Variants in INCENP observed in about 807,000 individuals in gnomAD.
The protein encoded by INCENP is inner centromere protein.
In INCENP, 43 loss-of-function variants were observed where a neutral mutation model predicts 107.3. The ratio of observed to expected loss-of-function variants is 0.40; its 90% CI spans 0.31 to 0.52. INCENP has a LOEUF of 0.52. Among genes scored for constraint, INCENP ranks in the 20% least tolerant of loss-of-function variants. INCENP has a pLI of 0.53. For synonymous variants in INCENP, 488 were observed against 494.4 expected, an observed-to-expected ratio of 0.99 and a Z score of 0.17; for missense variants, 1,089 against 1,250.9, an observed-to-expected ratio of 0.87 and a Z score of 1.95.
rs368598822 is a variant in INCENP, at chr11:62,127,972, AG to A, written c.-11-175del. ...GGCTTCTCTTTGTAGAGATGAGGCT[AG>A]GGGATGAGTGTTTGGAATTCTGCAG... On this transcript the variant is annotated intron_variant, in intron 1 of 18. Transcript: ENST00000394818. Among the ~76,000 whole-genome samples the A allele has an allele frequency of 0.1, 6,073 of 60,874 alleles. 379 individuals are homozygous for A. Among genetic ancestry groups the A allele is most frequent in the African/African-American group, 0.33 (5,542 of 16,770 alleles). 39.9% of individuals were successfully genotyped at this position (60,874 alleles called of 152,430 possible). A position where few individuals can be genotyped will look rare whatever the true frequency, so the allele number is the denominator to read the frequency against.
Position 62,141,509 on chromosome 11 carries a change from G to T in INCENP, c.1603G>T (p.Val535Phe), listed in dbSNP as rs762472113. 3 of 1,614,032 alleles carry T rather than the reference G, an allele frequency of 1.9e-6. No individual in the cohort carries two copies. The highest frequency in any genetic ancestry group is 1.1e-5 in the South Asian group (1 of 91,088). The change falls in exon 11 of 19, where the codon GTC (valine) becomes TTC (phenylalanine). Residue 535 changes from valine to phenylalanine, a missense_variant and splice_region_variant. Transcript: ENST00000394818. ...PLRMDPKCSF[V>F]EKERQRLENL... is the part of the protein sequence containing the mutation. ...CTTGTCTCCTCCACAGTGCAGCTTCGTCGTAAGTAAAGCCTTTTCCTGTCG... is the reference window on the plus strand; with the variant it reads ...CTTGTCTCCTCCACAGTGCAGCTTCTTCGTAAGTAAAGCCTTTTCCTGTCG...
intron 5 of INCENP, 125 bp downstream of exon 5, chr11:62,138,008 G>A: frequency 3.5e-6 from 3 of 848,560 alleles, no homozygotes; most frequent in Non-Finnish European, 6.0e-6. Context: ...CCGCCCAGGA[G>A]CTGCCCCGTT....
In INCENP at chr11:62,150,131, C is replaced by T. The variant is rs771433903; in HGVS notation, c.2466C>T (p.Tyr822=). 1.8e-5 allele frequency: 29 copies of T among 1,613,988 alleles called. No individual in the cohort carries two copies. Among genetic ancestry groups the T allele is most frequent in the East Asian group, 2.2e-5 (1 of 44,846 alleles). ...RAPPKINPDN[Y]GMDLNSDDST... ...CTCCCAAGATCAACCCAGATAACTA[C>T]GGGATGGATCTGAATAGCGACGACT... The change falls in exon 18 of 19, where the codon TAC becomes TAT. Residue 822 remains tyrosine (Y), a synonymous_variant. Transcript: ENST00000394818.
rs115734811 is a variant in INCENP, at chr11:62,130,448, G to C, written c.921G>C (p.Pro307=). ...RTDSQSVRHS[P]IAPSSPSPQV... ...ACTCTCAATCGGTGCGGCACAGCCC[G>C]ATCGCCCCGTCTTCCCCGAGTCCCC... The change falls in exon 4 of 19, where the codon CCG becomes CCC. Residue 307 remains proline (P), a synonymous_variant. Transcript: ENST00000394818. 3 of 1,614,012 alleles carry C rather than the reference G, an allele frequency of 1.9e-6. No individual in the cohort carries two copies. Among genetic ancestry groups the C allele is most frequent in the Non-Finnish European group, 2.5e-6 (3 of 1,180,040 alleles).
At chr11:62,128,655 G>A in intron 2 of INCENP, 115 bp from the exon 3 acceptor site, 2 of 765,134 alleles carry the variant, frequency 2.6e-6, no homozygotes, top group Non-Finnish European at 4.6e-6. Flanking sequence ...ACTTGGTGCT[G>A]GACACCCCAG....
intron 11 of INCENP, among the ~76,000 whole-genome samples, chr11:62,142,792 G>A (rs1270261960): frequency 1.3e-5 from 2 of 152,200 alleles, no homozygotes; most frequent in Admixed American, 6.5e-5. Flanking sequence ...CCTGGGACTT[G>A]GCAGGTGGTC....
In INCENP at chr11:62,138,729, C is replaced by A; in HGVS notation, c.1132C>A (p.Pro378Thr). The change falls in exon 6 of 19, where the codon CCC (proline) becomes ACC (threonine). Residue 378 changes from proline to threonine, a missense_variant. Coordinates refer to ENST00000394818, the MANE Select transcript of INCENP (RefSeq NM_001040694.2). ...PQKVGSEQKE[P>T]PEEAEPVAAA... is the part of the protein sequence containing the mutation. ...TGTTTTCAGTTCTGAGCAGAAGGAA[C>A]CCCCCGAGGAGGCTGAGCCTGTGGC... 1 of 1,613,924 alleles carries A rather than the reference C, an allele frequency of 6.2e-7. No homozygotes were observed.
chr11:62,133,123 C>T (rs559421553), intron 4 of INCENP, among the ~76,000 whole-genome samples: 1 of 152,228 alleles, frequency 6.6e-6, no homozygotes, highest in South Asian at 2.1e-4. Flanking sequence ...TTCCTGATAC[C>T]AGGCTCTGGG....
chr11:62,146,867 GC>G lies in INCENP; in HGVS notation c.2170del (p.Arg724ValfsTer67). On this transcript the variant is annotated frameshift_variant, in exon 15 of 19. Transcript: ENST00000394818. LOFTEE classifies it high-confidence loss of function. Reference protein sequence around the residue: ...EQERQLAEQERRREQERLQAE... With the variant: ...EQERQLAEQEXRREQERLQAE... ...AGGAGCGACAGCTGGCAGAGCAGGA[GC>G]GTCGGCGGGAGCAGGAGCGGCTCCA... is the stretch of plus-strand genomic sequence containing the variant. The G allele has an allele frequency of 6.3e-7, 1 of 1,590,150 alleles. No homozygotes were observed. The highest frequency in any genetic ancestry group is 8.5e-7 in the Non-Finnish European group (1 of 1,170,568).
chr11:62,130,267 G>A lies in INCENP; in HGVS notation c.740G>A (p.Gly247Glu), dbSNP rs139914074. The part of the protein sequence containing the change: ...MATPQDPKGQ[G>E]VGTGRSASKL... ...ACACCCCAGGACCCCAAGGGTCAAG[G>A]GGTCGGGACGGGGCGGTCTGCGTCT... Residue 247 changes from glycine (G) to glutamate (E), a missense_variant, in exon 4 of 19, where the codon GGG (glycine) becomes GAG (glutamate). Transcript: ENST00000394818. The A allele has an allele frequency of 1.8e-4, 285 of 1,613,006 alleles. 2 individuals are homozygous for A. In the African/African-American group the frequency reaches 3.6e-3, roughly 20 times the overall value.
rs541901313 is a variant in INCENP, at chr11:62,127,870, G to C, written c.-11-281G>C. 1.2e-4 allele frequency among the ~76,000 whole-genome samples: 18 copies of C among 152,114 alleles called. No homozygotes were observed. In the South Asian group the frequency reaches 3.7e-3, roughly 32 times the overall value. On this transcript the variant is annotated intron_variant, in intron 1 of 18. Coordinates refer to ENST00000394818, the MANE Select transcript of INCENP (RefSeq NM_001040694.2). ...GACTGTCAATGTCAGAATTGGTTGG[G>C]AACTGTGGACTTATGGGGACAGTCA... is the stretch of plus-strand genomic sequence containing the variant.
intron 7 of INCENP, 110 bp downstream of exon 7, chr11:62,139,115 AG>A (rs1944057080): frequency 4.0e-6 from 3 of 751,160 alleles, no homozygotes; most frequent in Middle Eastern, 3.3e-4. Flanking sequence ...CTGGGCCAGT[AG>A]GCTAAAGAGA....
At chr11:62,137,764 T>A (rs1944023366) in intron 4 of INCENP, 68 bp from the exon 5 acceptor site, 10 of 1,462,992 alleles carry the variant, frequency 6.8e-6, no homozygotes, top group Non-Finnish European at 8.6e-6. Flanking sequence ...CCCGGTCCCC[T>A]GGACCCCTTA....
chr11:62,127,506 G>T (rs1943778415), intron 1 of INCENP, among the ~76,000 whole-genome samples: 1 of 152,252 alleles, frequency 6.6e-6, no homozygotes, highest in Admixed American at 6.5e-5. Flanking sequence ...GGGCATTTCA[G>T]CTCAAGGGAG....
intron 13 of INCENP, 29 bp downstream of exon 13, chr11:62,145,318 C>T: frequency 6.2e-7 from 1 of 1,612,852 alleles, no homozygotes; most frequent in Non-Finnish European, 8.5e-7. Context: ...GAGGCCCAGG[C>T]AATTCAGGAC....
Position 62,138,754 on chromosome 11 carries a change from C to T in INCENP, c.1157C>T (p.Ala386Val), listed in dbSNP as rs930590623. The change falls in exon 6 of 19, where the codon GCG becomes GTG. Residue 386 changes from alanine (A) to valine (V), a missense_variant. Coordinates refer to ENST00000394818, the MANE Select transcript of INCENP (RefSeq NM_001040694.2). ...CCCCCCGAGGAGGCTGAGCCTGTGG[C>T]GGCAGCTGAGCCAGAGGTAAGACGG... is the stretch of plus-strand genomic sequence containing the variant. ...KEPPEEAEPV[A>V]AAEPEVPENN... 2.0e-5 allele frequency: 33 copies of T among 1,613,956 alleles called. No homozygotes were observed. The highest frequency in any genetic ancestry group is 2.6e-5 in the Non-Finnish European group (31 of 1,179,990).
At chr11:62,144,080 C>G (rs1430642175) in intron 11 of INCENP, among the ~76,000 whole-genome samples, 1 of 152,206 alleles carries the variant, frequency 6.6e-6, no homozygotes, top group African/African-American at 2.4e-5. Context: ...ACCTGTAATC[C>G]TAGCACTTTG....
chr11:62,148,559 G>C lies in INCENP; in HGVS notation c.2283+5G>C, dbSNP rs1462875272. ...CTGGAGGAGAAGAAGAAGAAGGTGA[G>C]GGGAGCTGGGTTGCGGGCTCCCCTG... is the stretch of plus-strand genomic sequence containing the variant. On this transcript the variant is annotated splice_donor_5th_base_variant and intron_variant, in intron 16 of 18. Transcript: ENST00000394818. 6.2e-7 allele frequency: 1 copy of C among 1,602,260 alleles called. No individual in the cohort carries two copies. Among genetic ancestry groups the C allele is most frequent in the Non-Finnish European group, 8.5e-7 (1 of 1,175,810 alleles).
intron 18 of INCENP, among the ~76,000 whole-genome samples, chr11:62,151,277 A>G (rs1944366514): frequency 6.6e-6 from 1 of 152,146 alleles, no homozygotes; most frequent in African/African-American, 2.4e-5. Context: ...CCCCGTTGTC[A>G]GGACTGTGCC....
Sources: allele counts gnomAD v4.1 joint callset (sites outside exome capture counted in the v4.1 genomes callset), GRCh38; gene constraint gnomAD v4.1.1; transcripts MANE v1.5; gene names NCBI Gene and HGNC (gene_info 2026-07-23, HGNC 2026-07-21).